Variants in NTNG2 observed in about 807,000 individuals in gnomAD.
The protein encoded by NTNG2 is netrin G2.
Under a neutral mutation model 47.6 loss-of-function variants are expected in NTNG2, and 15 were observed. That is an observed-to-expected ratio of 0.32 (90% CI 0.21 to 0.49). The LOEUF is 0.49. Ranked by LOEUF, NTNG2 falls within the 20% of genes least tolerant of loss-of-function variation. The probability of loss-of-function intolerance (pLI) is 0.99; values close to 1 mark genes in which losing one functional copy is unlikely to be tolerated. For missense variants in NTNG2, 578 were observed against 764.6 expected (o/e 0.76, Z 2.88); for synonymous variants, 307 against 324.6 (o/e 0.95, Z 0.58).
chr9:132,198,688 G>T lies in NTNG2; in HGVS notation c.857+79G>T, dbSNP rs545861683. 5.7e-6 allele frequency: 8 copies of T among 1,407,026 alleles called. No individual in the cohort carries two copies. The South Asian group carries it at 8.0e-5, about 14-fold the overall frequency. The allele number at this position is 1,407,026 out of a possible 1,614,324, so 87.2% of individuals were successfully genotyped here. On this transcript the variant is annotated intron_variant, in intron 3 of 7. Transcript: ENST00000393229. ...ACCTGGGACGTTATTGGATACCTGG[G>T]ATGTTACCTGGTATGTGGAACATGA...
At chr9:132,204,270 T>C (rs1474785523) in intron 3 of NTNG2, among the ~76,000 whole-genome samples, 1 of 152,220 alleles carries the variant, frequency 6.6e-6, no homozygotes, top group East Asian at 1.9e-4. Context: ...TGTGGGGGTC[T>C]AGCTGCTCTA....
rs1354917017 is a variant in NTNG2 at position 132,180,066 on chromosome 9, GTCCCAGGGCAGTTTGTCTTGGGTC to G, written c.213+13025_213+13048del. 6.6e-6 allele frequency among the ~76,000 whole-genome samples: 1 copy of G among 152,204 alleles called. No individual in the cohort carries two copies. The highest frequency in any genetic ancestry group is 1.9e-4 in the East Asian group (1 of 5,194). On this transcript the variant is annotated intron_variant, in intron 2 of 7. Coordinates refer to ENST00000393229, the MANE Select transcript of NTNG2 (RefSeq NM_032536.4). This position sits in a 1 kb window ranked among gnomAD's most constrained non-coding sequence, Gnocchi z 4.2. ...GTCTTCAAGGACCTGGCATCCTTCT[GTCCCAGGGCAGTTTGTCTTGGGTC>G]TCTCAGGGACCGTTTGGGCCTCTTC...
In NTNG2 at chr9:132,210,451, C is replaced by CT. The variant is rs372683897; in HGVS notation, c.857+11843dup. 6.1e-3 allele frequency among the ~76,000 whole-genome samples: 923 copies of CT among 152,352 alleles called. 11 individuals are homozygous for CT. Among genetic ancestry groups the CT allele is most frequent in the African/African-American group, 0.021 (876 of 41,570 alleles). On this transcript the variant is annotated intron_variant, in intron 3 of 7. Coordinates refer to ENST00000393229, the MANE Select transcript of NTNG2 (RefSeq NM_032536.4). ...TTGGCTTTATCTCCAGCTCTGTCCTCTGTCCCTTCATCAGTCAACAGTCAT... is the reference window on the plus strand; with the variant it reads ...TTGGCTTTATCTCCAGCTCTGTCCTCTTGTCCCTTCATCAGTCAACAGTCAT...
rs2131366419 is a variant in NTNG2 at position 132,182,543 on chromosome 9, T to C, written c.214-15423T>C. Reference sequence around the variant, plus strand: ...GAAAATTGTCCCACCCAGGGGGTCCTGGAGGCAGCAGCCACGACCTTGGGT... The same window carrying C: ...GAAAATTGTCCCACCCAGGGGGTCCCGGAGGCAGCAGCCACGACCTTGGGT... On this transcript the variant is annotated intron_variant, in intron 2 of 7. Transcript: ENST00000393229. The surrounding 1 kb of genome is among the most constrained non-coding windows in gnomAD (Gnocchi z 4.2). Among the ~76,000 whole-genome samples the C allele has an allele frequency of 6.6e-6, 1 of 152,288 alleles. No homozygotes were observed.
At position 132,166,565 on chromosome 9, in the gene NTNG2, G is replaced by A. The variant is rs1835513322; in HGVS notation, c.-267G>A. 4 of 509,668 alleles carry A rather than the reference G, an allele frequency of 7.8e-6. No individual in the cohort carries two copies. The highest frequency in any genetic ancestry group is 6.4e-5 in the Admixed American group (2 of 31,194). 31.6% of individuals were successfully genotyped at this position (509,668 alleles called of 1,614,324 possible). A position where few individuals can be genotyped will look rare whatever the true frequency, so the allele number is the denominator to read the frequency against. On this transcript the variant is annotated 5_prime_UTR_variant, in exon 2 of 8. Coordinates refer to ENST00000393229, the MANE Select transcript of NTNG2 (RefSeq NM_032536.4). ...ACCTCCAGGGGAGGTGTGATACCAGGGTTAGGAGGACGTGAAGTTATGGGC... is the reference window on the plus strand; with the variant it reads ...ACCTCCAGGGGAGGTGTGATACCAGAGTTAGGAGGACGTGAAGTTATGGGC...
intron 3 of NTNG2, among the ~76,000 whole-genome samples, chr9:132,205,614 C>T (rs1284945950): frequency 1.3e-5 from 2 of 152,178 alleles, no homozygotes; most frequent in Non-Finnish European, 2.9e-5. Flanking sequence ...GGCGCGGTGG[C>T]TCATGCCTGT....
chr9:132,169,997 C>T lies in NTNG2; in HGVS notation c.213+2953C>T, dbSNP rs572167619. On this transcript the variant is annotated intron_variant, in intron 2 of 7. Coordinates refer to ENST00000393229, the MANE Select transcript of NTNG2 (RefSeq NM_032536.4). ...CAGCCACCAGGGGGCGCCCTAATGG[C>T]GGCCAGATGCCCACTGCCCCCTTAG... Among the ~76,000 whole-genome samples, 5 of 152,302 alleles carry T rather than the reference C, an allele frequency of 3.3e-5. 1 individual carries two copies. Among genetic ancestry groups the T allele is most frequent in the African/African-American group, 1.2e-4 (5 of 41,586 alleles).
intron 4 of NTNG2, among the ~76,000 whole-genome samples, chr9:132,227,788 C>T (rs1021833789): frequency 2.6e-5 from 4 of 152,212 alleles, no homozygotes; most frequent in Non-Finnish European, 4.4e-5. Flanking sequence ...CCCACCCGGG[C>T]GCGCTAGCGT....
Position 132,162,162 on chromosome 9 carries a change from G to A in NTNG2, c.-561G>A, listed in dbSNP as rs1460850559. 8.5e-5 allele frequency: 13 copies of A among 152,402 alleles called. No homozygotes were observed. The South Asian group carries it at 1.9e-3, about 23-fold the overall frequency. 9.4% of individuals were successfully genotyped at this position (152,402 alleles called of 1,614,324 possible). ...GCGCCCCCACCCAGCGCCAGCCCGA[G>A]GGGGGAGGCGCAGCGCCGGAGGGTG... On this transcript the variant is annotated 5_prime_UTR_variant, in exon 1 of 8. Coordinates refer to ENST00000393229, the MANE Select transcript of NTNG2 (RefSeq NM_032536.4). This position sits in a 1 kb window ranked among gnomAD's most constrained non-coding sequence, Gnocchi z 4.6.
chr9:132,190,974 C>T (rs1338779776), intron 2 of NTNG2, among the ~76,000 whole-genome samples: 2 of 152,152 alleles, frequency 1.3e-5, no homozygotes, highest in Non-Finnish European at 2.9e-5. Flanking sequence ...ACATGATGGG[C>T]TTGGTTTCCC....
intron 2 of NTNG2, among the ~76,000 whole-genome samples, chr9:132,190,553 G>T (rs1366398204): frequency 1.3e-5 from 2 of 152,224 alleles, no homozygotes; most frequent in Non-Finnish European, 2.9e-5. Context: ...GGGCCTGGAA[G>T]TTCAAATGGC....
chr9:132,167,051 C>G lies in NTNG2; in HGVS notation c.213+7C>G. On this transcript the variant is annotated splice_region_variant and intron_variant, in intron 2 of 7. Coordinates refer to ENST00000393229, the MANE Select transcript of NTNG2 (RefSeq NM_032536.4). ...TGAGAGGTTCTGCTCCCATGTAAGT[C>G]CACTTACTGCTCTTTTGTTTGCCCA... is the stretch of plus-strand genomic sequence containing the variant. The G allele has an allele frequency of 1.2e-6, 2 of 1,613,502 alleles. No homozygotes were observed. The highest frequency in any genetic ancestry group is 1.7e-6 in the Non-Finnish European group (2 of 1,179,474).
Position 132,231,399 on chromosome 9 carries a change from G to A in NTNG2, c.1054+804G>A, listed in dbSNP as rs757609008. 1.8e-5 allele frequency: 8 copies of A among 453,970 alleles called. No individual in the cohort carries two copies. The highest frequency in any genetic ancestry group is 1.2e-4 in the South Asian group (8 of 64,316). The allele number at this position is 453,970 out of a possible 1,614,324, so 28.1% of individuals were successfully genotyped here. On this transcript the variant is annotated intron_variant, in intron 5 of 7. Transcript: ENST00000393229. The surrounding 1 kb of genome is among the most constrained non-coding windows in gnomAD (Gnocchi z 4.1). The stretch of plus-strand genomic sequence containing the variant: ...AGCCGGGAGCAGACCCCAAATCTCA[G>A]AGATGCTTCTGGGGTGCACCGTCAC...
chr9:132,214,370 C>T (rs569583803), intron 3 of NTNG2, among the ~76,000 whole-genome samples: 2 of 152,340 alleles, frequency 1.3e-5, no homozygotes, highest in South Asian at 4.1e-4. Flanking sequence ...GCGCAGGGCA[C>T]GCTCCTGCCT....
intron 1 of NTNG2, among the ~76,000 whole-genome samples, chr9:132,164,203 GT>G (rs1462063573): frequency 2.6e-4 from 39 of 152,218 alleles, no homozygotes; most frequent in African/African-American, 9.2e-4. Context: ...GGCAGATTTT[GT>G]TGTTGTTAGG....
rs1314624339 is a variant in NTNG2 at position 132,240,991 on chromosome 9, G to T, written c.1304G>T (p.Gly435Val). 6.2e-7 allele frequency: 1 copy of T among 1,610,510 alleles called. No homozygotes were observed. The highest frequency in any genetic ancestry group is 8.5e-7 in the Non-Finnish European group (1 of 1,179,518). ...TGCGAGTGCCGCGAGGGCGCGGCGG[G>T]CCCCAAGTGCGACGACTGCCTCCCC... is the stretch of plus-strand genomic sequence containing the variant. ...GFCECREGAA[G>V]PKCDDCLPTH... The change falls in exon 7 of 8, where the codon GGC becomes GTC. Residue 435 changes from glycine (G) to valine (V), a missense_variant. Physicochemically the swap from Gly to Val is moderately radical, Grantham distance 109 (BLOSUM62 -3). Coordinates refer to ENST00000393229, the MANE Select transcript of NTNG2 (RefSeq NM_032536.4).
At chr9:132,205,698 T>C (rs1264034658) in intron 3 of NTNG2, among the ~76,000 whole-genome samples, 1 of 152,010 alleles carries the variant, frequency 6.6e-6, no homozygotes, top group Non-Finnish European at 1.5e-5. Context: ...CTGGCCAACA[T>C]GGCAAAACCC....
At position 132,236,085 on chromosome 9, in the gene NTNG2, C is replaced by A. The variant is rs1841605616; in HGVS notation, c.1055-3019C>A. Among the ~76,000 whole-genome samples the A allele has an allele frequency of 6.6e-6, 1 of 152,240 alleles. No individual in the cohort carries two copies. The highest frequency in any genetic ancestry group is 2.4e-5 in the African/African-American group (1 of 41,456). On this transcript the variant is annotated intron_variant, in intron 5 of 7. Transcript: ENST00000393229. This position sits in a 1 kb window ranked among gnomAD's most constrained non-coding sequence, Gnocchi z 4.3. ...GACAGGAACCCCCCTCTCCAGCTGC[C>A]CTTGCTCACAGGACACCTGGGCAGT...
intron 7 of NTNG2, chr9:132,241,395 C>T (rs936708878): frequency 3.2e-4 from 123 of 380,230 alleles, no homozygotes; most frequent in African/African-American, 2.5e-3. Context: ...AGGTCCGGGG[C>T]CGGGCCGAGG....
Sources: allele counts gnomAD v4.1 joint callset (sites outside exome capture counted in the v4.1 genomes callset), GRCh38; gene constraint gnomAD v4.1.1; non-coding constraint Gnocchi (gnomAD v3.1); transcripts MANE v1.5; gene names NCBI Gene and HGNC (gene_info 2026-07-23, HGNC 2026-07-21).